The following CDH5 variants were observed in gnomAD, a reference collection of about 807,000 sequenced individuals.
CDH5 encodes the protein cadherin 5.
A neutral mutation model predicts 62.0 loss-of-function variants in CDH5; 28 were observed. The observed-to-expected ratio is 0.45, with a 90% CI of 0.33 to 0.62. CDH5 has a LOEUF of 0.62. Ranked by LOEUF, CDH5 falls within the 20% of genes least tolerant of loss-of-function variation. The pLI, the probability that CDH5 is intolerant of heterozygous loss-of-function variation, is 0.02. For missense variants in CDH5, 940 were observed against 1,065.1 expected (o/e 0.88, Z 1.63); for synonymous variants, 464 against 445.8 (o/e 1.04, Z -0.52).
chr16:66,397,973 C>T lies in CDH5; in HGVS notation c.1361-9C>T. On this transcript the variant is annotated splice_polypyrimidine_tract_variant and intron_variant, in intron 8 of 11. Coordinates refer to ENST00000341529, the MANE Select transcript of CDH5 (RefSeq NM_001795.5). ...GAGCCCATAATGGTGACAGTCTTCTCCCCTGCAGGAACCCCCACAGGAAAA... is the reference window on the plus strand; with the variant it reads ...GAGCCCATAATGGTGACAGTCTTCTTCCCTGCAGGAACCCCCACAGGAAAA... 6.2e-7 allele frequency: 1 copy of T among 1,614,120 alleles called. No homozygotes were observed. The highest frequency in any genetic ancestry group is 8.5e-7 in the Non-Finnish European group (1 of 1,179,990).
chr16:66,394,965 C>T (rs1961150161), intron 7 of CDH5, among the ~76,000 whole-genome samples: 1 of 147,702 alleles, frequency 6.8e-6, no homozygotes, highest in South Asian at 2.2e-4. Context: ...ACCCTCCCAC[C>T]TCAGCCTCTG....
rs1961093290 is a variant in CDH5 at position 66,392,000 on chromosome 16, C to T, written c.970-136C>T. On this transcript the variant is annotated intron_variant, in intron 6 of 11. Coordinates refer to ENST00000341529, the MANE Select transcript of CDH5 (RefSeq NM_001795.5). Reference sequence around the variant, plus strand: ...TGTCTTGATGACCTCAGAAATATCACTTGTCGAGGCCATGGGCCCCTCATC... The same window carrying T: ...TGTCTTGATGACCTCAGAAATATCATTTGTCGAGGCCATGGGCCCCTCATC... The T allele has an allele frequency of 3.9e-6, 4 of 1,027,378 alleles. No homozygotes were observed. In the East Asian group the frequency reaches 7.2e-5, roughly 18 times the overall value. The allele number at this position is 1,027,378 out of a possible 1,614,324, so 63.6% of individuals were successfully genotyped here. A position where few individuals can be genotyped will look rare whatever the true frequency, so the allele number is the denominator to read the frequency against.
In CDH5 at chr16:66,379,395, G is replaced by C. The variant is rs1960844160; in HGVS notation, c.58G>C (p.Val20Leu). The change falls in exon 2 of 12, where the codon GTG becomes CTG. Residue 20 changes from valine (V) to leucine (L), a missense_variant. Val to Leu is a conservative substitution (Grantham distance 32). Transcript: ENST00000341529. ...TSGACLGLLA[V>L]AAVAAAGANP... is the part of the protein sequence containing the mutation. ...GGGCGCCTGCCTGGGCCTGCTGGCA[G>C]TGGCAGCAGTGGCAGCAGCAGGTGC... is the stretch of plus-strand genomic sequence containing the variant. 1 of 1,613,604 alleles carries C rather than the reference G, an allele frequency of 6.2e-7. No individual in the cohort carries two copies.
intron 1 of CDH5, among the ~76,000 whole-genome samples, chr16:66,369,850 C>CT (rs1960652714): frequency 6.6e-6 from 1 of 152,212 alleles, no homozygotes; most frequent in African/African-American, 2.4e-5. Context: ...TCAATACAGT[C>CT]TTTGAGTGAT....
intron 5 of CDH5, 152 bp from the exon 6 acceptor site, chr16:66,390,251 T>C: frequency 1.7e-6 from 1 of 604,004 alleles, no homozygotes; most frequent in East Asian, 2.9e-5. Context: ...GGGAAGACCC[T>C]CTTTACCTTG....
rs770413908 is a variant in CDH5 at position 66,392,091 on chromosome 16, T to C, written c.970-45T>C. 3.1e-6 allele frequency: 5 copies of C among 1,611,764 alleles called. No homozygotes were observed. In the Admixed American group the frequency reaches 8.3e-5, roughly 27 times the overall value. ...CTGTGCAGATCATGTGCCACACACA[T>C]GCTTGGCCCAGAGCAGGCACTCACC... is the stretch of plus-strand genomic sequence containing the variant. On this transcript the variant is annotated intron_variant, in intron 6 of 11. Coordinates refer to ENST00000341529, the MANE Select transcript of CDH5 (RefSeq NM_001795.5).
At chr16:66,367,564 C>T (rs1219671747) in intron 1 of CDH5, among the ~76,000 whole-genome samples, 1 of 152,232 alleles carries the variant, frequency 6.6e-6, no homozygotes, top group East Asian at 1.9e-4. Flanking sequence ...GTACAGATCC[C>T]AGCTCTCCCA....
chr16:66,401,766 AT>A (rs1961286657), intron 11 of CDH5, among the ~76,000 whole-genome samples: 1 of 152,162 alleles, frequency 6.6e-6, no homozygotes, highest in African/African-American at 2.4e-5. Flanking sequence ...CCCCAGCATC[AT>A]CCCACCGGGG....
chr16:66,367,767 G>A (rs1010826183), intron 1 of CDH5, among the ~76,000 whole-genome samples: 1 of 152,042 alleles, frequency 6.6e-6, no homozygotes, highest in Non-Finnish European at 1.5e-5. Context: ...CCAGGATCTC[G>A]TACTCCAAAG....
chr16:66,375,479 G>A (rs928066638), intron 1 of CDH5, among the ~76,000 whole-genome samples: 7 of 151,770 alleles, frequency 4.6e-5, no homozygotes, highest in Admixed American at 3.9e-4. Flanking sequence ...GCAGTGAGCC[G>A]CATTCACACC....
At chr16:66,392,868 C>G (rs1232186583) in intron 7 of CDH5, 1 of 159,044 alleles carries the variant, frequency 6.3e-6, no homozygotes, top group African/African-American at 2.4e-5. Flanking sequence ...CGTGGCCTAA[C>G]CTGGTCCTAT....
rs1416008228 is a variant in CDH5, at chr16:66,396,208, G to A, written c.1360+7G>A. ...AAAGAACTGGATTCCACTGGTGAGT[G>A]GCCACATCTGCCAGGGCACCTGGAT... On this transcript the variant is annotated splice_region_variant and intron_variant, in intron 8 of 11. Transcript: ENST00000341529. 3 of 1,613,752 alleles carry A rather than the reference G, an allele frequency of 1.9e-6. No individual in the cohort carries two copies. The highest frequency in any genetic ancestry group is 2.5e-6 in the Non-Finnish European group (3 of 1,179,872).
intron 2 of CDH5, among the ~76,000 whole-genome samples, chr16:66,383,836 G>A (rs553228495): frequency 2.6e-5 from 4 of 152,172 alleles, no homozygotes; most frequent in Admixed American, 2.6e-4. Flanking sequence ...GCCCGACCAA[G>A]GGGGCAATCC....
intron 1 of CDH5, 41 bp from the exon 2 acceptor site, chr16:66,379,278 C>A: frequency 2.1e-6 from 3 of 1,444,866 alleles, no homozygotes; most frequent in Non-Finnish European, 1.9e-6. Context: ...CTCCTTTCAT[C>A]GTCACTGGCC....
intron 10 of CDH5, among the ~76,000 whole-genome samples, chr16:66,400,356 G>A (rs1372124091): frequency 6.6e-6 from 1 of 152,182 alleles, no homozygotes; most frequent in Non-Finnish European, 1.5e-5. Flanking sequence ...TTAGAAATTA[G>A]CCTAATGCTA....
intron 11 of CDH5, among the ~76,000 whole-genome samples, 190 bp downstream of exon 11, chr16:66,401,206 T>A (rs1257626011): frequency 2.6e-5 from 4 of 152,034 alleles, no homozygotes; most frequent in Non-Finnish European, 5.9e-5. Flanking sequence ...ACCTGGGTGC[T>A]CACGGTGGGG....
At position 66,375,217 on chromosome 16, in the gene CDH5, C is replaced by T. The variant is rs1010048782; in HGVS notation, c.-19-4102C>T. 2.0e-5 allele frequency among the ~76,000 whole-genome samples: 3 copies of T among 152,124 alleles called. No homozygotes were observed. The South Asian group carries it at 6.2e-4, about 32-fold the overall frequency. On this transcript the variant is annotated intron_variant, in intron 1 of 11. Transcript: ENST00000341529. ...CAAGTATTGATGTATCTAAACATAT[C>T]TAAATACAGACAAGATACAATAAAA...
chr16:66,390,906 A>G (rs776388585), intron 6 of CDH5, among the ~76,000 whole-genome samples: 5 of 152,198 alleles, frequency 3.3e-5, no homozygotes, highest in African/African-American at 7.2e-5. Context: ...GAGCTGGGGT[A>G]TTTATACACC....
At chr16:66,399,561 G>A (rs1163656156) in intron 10 of CDH5, among the ~76,000 whole-genome samples, 1 of 152,202 alleles carries the variant, frequency 6.6e-6, no homozygotes, top group Non-Finnish European at 1.5e-5. Flanking sequence ...GTGGGATGGA[G>A]AAGGTGGCCC....
Sources: gnomAD v4.1 joint callset for allele counts (sites outside exome capture counted in the v4.1 genomes callset) on GRCh38, gnomAD v4.1.1 for gene constraint, MANE v1.5 for transcripts, NCBI Gene and HGNC (gene_info 2026-07-23, HGNC 2026-07-21) for gene names.